GNL3L: variants seen among roughly 807,000 people sequenced by gnomAD.
GNL3L encodes guanine nucleotide-binding protein-like 3-like protein.
Under a neutral mutation model 42.9 loss-of-function variants are expected in GNL3L, and 4 were observed. The observed-to-expected ratio is 0.09, with a 90% CI of 0.05 to 0.21. The LOEUF is 0.21. Among genes scored for constraint, GNL3L ranks in the 10% least tolerant of loss-of-function variants. The pLI, the probability that GNL3L is intolerant of heterozygous loss-of-function variation, is 1.00. For synonymous variants in GNL3L, 159 were observed against 176.3 expected (o/e 0.90, Z 0.78); for missense variants, 412 against 481.7 (o/e 0.86, Z 1.36).
At position 54,567,264 on chromosome X, in the gene GNL3L, A is replaced by C. The variant is rs918812063; in HGVS notation, c.*6662A>C. On this transcript the variant is annotated 3_prime_UTR_variant, in exon 16 of 16. Coordinates refer to ENST00000360845, the MANE Select transcript of GNL3L (RefSeq NM_001184819.2). ...AGACAATCATATCTTCTGTGAATAA[A>C]CATGGTTTTATTTCTTCATGTCTAA... is the stretch of plus-strand genomic sequence containing the variant. Among the ~76,000 whole-genome samples the C allele has an allele frequency of 3.6e-5, 4 of 111,443 alleles. No homozygotes were observed. The highest frequency in any genetic ancestry group is 1.3e-4 in the African/African-American group (4 of 30,729).
At chrX:54,609,748 A>G (rs1032250053) in intron 16 of GNL3L, among the ~76,000 whole-genome samples, 23 of 112,052 alleles carry the variant, frequency 2.1e-4, no homozygotes, top group African/African-American at 4.2e-4. Flanking sequence ...TTTGGTGACT[A>G]TGGCCTTATA....
intron 13 of GNL3L, among the ~76,000 whole-genome samples, chrX:54,553,761 G>A (rs1368114778): frequency 9.0e-6 from 1 of 111,232 alleles, no homozygotes; most frequent in Non-Finnish European, 1.9e-5. Context: ...GGCTGGTCTT[G>A]AACTCCTGGC....
chrX:54,536,597 C>A (rs1924431938), intron 2 of GNL3L, among the ~76,000 whole-genome samples: 1 of 109,161 alleles, frequency 9.2e-6, no homozygotes, highest in Non-Finnish European at 1.9e-5. Context: ...CCAGCCTGGC[C>A]AACATGGCGA....
chrX:54,540,214 A>G lies in GNL3L; in HGVS notation c.161A>G (p.Asn54Ser), dbSNP rs970871184. 9 of 1,195,842 alleles carry G rather than the reference A, an allele frequency of 7.5e-6. No individual in the cohort carries two copies. Among genetic ancestry groups the G allele is most frequent in the Non-Finnish European group, 1.0e-5 (9 of 882,533 alleles). ...PHFVHPNDHA[N>S]REAELKKKWV... ...TTTGTTCACCCCAATGATCATGCCA[A>G]TCGAGAGGCTGAATTAAAGAAGAAG... Residue 54 changes from asparagine to serine, a missense_variant, in exon 4 of 16, where the codon AAT becomes AGT. Coordinates refer to ENST00000360845, the MANE Select transcript of GNL3L (RefSeq NM_001184819.2).
chrX:54,622,273 ATTTTTTTTTTTTTTTTT>A (rs773487259), downstream of GNL3L, among the ~76,000 whole-genome samples: 1 of 59,016 alleles, frequency 1.7e-5, no homozygotes, highest in African/African-American at 1.1e-4. Flanking sequence ...AGTTGCAGGA[ATTTTTTTTTTTTTTTTT>A]TTTTTTTTTT....
chrX:54,534,379 C>G (rs1443732411), intron 2 of GNL3L, among the ~76,000 whole-genome samples: 1 of 110,589 alleles, frequency 9.0e-6, no homozygotes, highest in African/African-American at 3.3e-5. Flanking sequence ...GACAATTGAT[C>G]CCAGGGAGAG....
chrX:54,578,896 C>CT (rs1258754954), intron 16 of GNL3L, among the ~76,000 whole-genome samples: 1 of 112,131 alleles, frequency 8.9e-6, no homozygotes, highest in Non-Finnish European at 1.9e-5. Context: ...TTAATGTTTT[C>CT]TTTTAACTTT....
chrX:54,597,581 C>A (rs1925946903), intron 16 of GNL3L, among the ~76,000 whole-genome samples: 1 of 111,135 alleles, frequency 9.0e-6, no homozygotes, highest in Non-Finnish European at 1.9e-5. Flanking sequence ...CCCCCCGCCC[C>A]AATCCCGTGG....
intron 9 of GNL3L, among the ~76,000 whole-genome samples, chrX:54,549,103 A>G (rs910488651): frequency 1.8e-5 from 2 of 111,754 alleles, no homozygotes; most frequent in African/African-American, 3.3e-5. Context: ...CCATGTATGT[A>G]GAGAGGCAGA....
chrX:54,601,938 G>C (rs1926009121), intron 16 of GNL3L, among the ~76,000 whole-genome samples: 3 of 112,083 alleles, frequency 2.7e-5, no homozygotes, highest in African/African-American at 6.5e-5. Context: ...TTCTGGATTA[G>C]TATTCCATTA....
At chrX:54,579,920 C>T (rs1442192470) in intron 16 of GNL3L, among the ~76,000 whole-genome samples, 1 of 108,944 alleles carries the variant, frequency 9.2e-6, no homozygotes, top group African/African-American at 3.4e-5. Context: ...TCAGGTGATC[C>T]ACCAGCCTCG....
chrX:54,601,894 A>G (rs1354287790), intron 16 of GNL3L, among the ~76,000 whole-genome samples: 1 of 112,191 alleles, frequency 8.9e-6, no homozygotes, highest in African/African-American at 3.2e-5. Flanking sequence ...AGATTCATTG[A>G]AGTTGGTTTG....
At chrX:54,547,347 T>C (rs1924805836) in intron 8 of GNL3L, among the ~76,000 whole-genome samples, 2 of 111,706 alleles carry the variant, frequency 1.8e-5, no homozygotes, top group African/African-American at 6.5e-5. Context: ...ACTTTAAGGC[T>C]ACAGCTTTTT....
the GNL3L span, among the ~76,000 whole-genome samples, chrX:54,634,757 G>C: frequency 9.8e-6 from 1 of 102,270 alleles, no homozygotes; most frequent in Non-Finnish European, 2.0e-5. Flanking sequence ...AAAGTGCTGG[G>C]ATTACAGGTG....
chrX:54,588,627 C>T (rs1002377575), intron 16 of GNL3L, among the ~76,000 whole-genome samples: 1 of 110,199 alleles, frequency 9.1e-6, no homozygotes, highest in Admixed American at 9.7e-5. Flanking sequence ...GAGTTCGAGA[C>T]CAGCCTGGCC....
chrX:54,630,901 G>A, the GNL3L span, among the ~76,000 whole-genome samples: 6 of 105,687 alleles, frequency 5.7e-5, no homozygotes, highest in South Asian at 4.3e-4. Flanking sequence ...CTGCCTCCTG[G>A]GTTCAAGTGA....
intron 16 of GNL3L, among the ~76,000 whole-genome samples, chrX:54,576,915 A>G (rs1925643367): frequency 9.0e-6 from 1 of 111,585 alleles, no homozygotes; most frequent in African/African-American, 3.3e-5. Context: ...GTAAAGAAAA[A>G]TTTACCATTT....
At chrX:54,571,984 CTATTT>C (rs1261698266), downstream of GNL3L, among the ~76,000 whole-genome samples, 1 of 106,638 alleles carries the variant, frequency 9.4e-6, no homozygotes, top group Non-Finnish European at 1.9e-5. Context: ...TGGGTAGTTT[CTATTT>C]TATTTTATTT....
At chrX:54,586,308 A>T (rs1398607447) in intron 16 of GNL3L, among the ~76,000 whole-genome samples, 1 of 110,671 alleles carries the variant, frequency 9.0e-6, no homozygotes, top group Non-Finnish European at 1.9e-5. Flanking sequence ...TAACATAGGG[A>T]GCTCCCTGGA....
Sources: allele counts gnomAD v4.1 joint callset (sites outside exome capture counted in the v4.1 genomes callset), GRCh38; gene constraint gnomAD v4.1.1; transcripts MANE v1.5; gene names NCBI Gene and HGNC (gene_info 2026-07-23, HGNC 2026-07-21).